CHN2: variants seen among roughly 807,000 people sequenced by gnomAD.
The protein encoded by CHN2 is chimerin 2, also known as beta-chimaerin.
A neutral mutation model predicts 56.3 loss-of-function variants in CHN2; 35 were observed. The ratio of observed to expected loss-of-function variants is 0.62; its 90% CI spans 0.47 to 0.82. CHN2 has a LOEUF of 0.82. Among genes scored for constraint, CHN2 ranks in the 40% least tolerant of loss-of-function variants. The pLI is 0.00. For synonymous variants in CHN2, 210 were observed against 212.8 expected (o/e 0.99, Z 0.12); for missense variants, 491 against 580.5 (o/e 0.85, Z 1.58).
chr7:29,419,537 GA>G (rs1274443360), intron 6 of CHN2, among the ~76,000 whole-genome samples: 1 of 152,066 alleles, frequency 6.6e-6, no homozygotes. Flanking sequence ...TCAACAAAGT[GA>G]AAAGGCAACT....
intron 1 of CHN2, among the ~76,000 whole-genome samples, chr7:29,224,673 G>T (rs1307946125): frequency 6.6e-6 from 1 of 152,146 alleles, no homozygotes; most frequent in African/African-American, 2.4e-5. Context: ...GCCTATAACA[G>T]CTAATCCATA....
At chr7:29,413,991 C>T (rs908991766) in intron 6 of CHN2, among the ~76,000 whole-genome samples, 6 of 152,186 alleles carry the variant, frequency 3.9e-5, no homozygotes, top group African/African-American at 1.4e-4. Flanking sequence ...ACATGCCTGC[C>T]TCTGTGATTT....
chr7:29,474,758 C>T (rs924342997), intron 6 of CHN2, among the ~76,000 whole-genome samples: 1 of 152,132 alleles, frequency 6.6e-6, no homozygotes, highest in African/African-American at 2.4e-5. Context: ...TTCAAAGAGC[C>T]CTCCTTAAAA....
At chr7:29,343,510 C>T (rs1288111433) in intron 1 of CHN2, among the ~76,000 whole-genome samples, 2 of 152,160 alleles carry the variant, frequency 1.3e-5, no homozygotes, top group Non-Finnish European at 2.9e-5. Context: ...GTGGCTTCCA[C>T]CCATACCCCA....
intron 1 of CHN2, among the ~76,000 whole-genome samples, chr7:29,242,812 G>C (rs544863216): frequency 1.5e-5 from 2 of 136,384 alleles, no homozygotes; most frequent in South Asian, 4.7e-4. Context: ...GAAAGATTCA[G>C]ATGACATTTC....
At chr7:29,273,326 CAT>C (rs139183819) in intron 1 of CHN2, among the ~76,000 whole-genome samples, 9 of 79,778 alleles carry the variant, frequency 1.1e-4, no homozygotes, top group Admixed American at 2.4e-4. Flanking sequence ...TTCCATCATG[CAT>C]ATATATATAT....
intron 1 of CHN2, among the ~76,000 whole-genome samples, chr7:29,257,077 C>T (rs1206257194): frequency 6.6e-6 from 1 of 152,158 alleles, no homozygotes; most frequent in African/African-American, 2.4e-5. Flanking sequence ...TAAAAACCTG[C>T]CCTGCTTTCC....
intron 1 of CHN2, among the ~76,000 whole-genome samples, chr7:29,337,625 G>C (rs1796724506): frequency 6.6e-6 from 1 of 152,214 alleles, no homozygotes; most frequent in South Asian, 2.1e-4. Context: ...GCCACGGGGT[G>C]ACAGGAAAGC....
chr7:29,343,211 T>TA (rs1210958133), intron 1 of CHN2, among the ~76,000 whole-genome samples: 2 of 152,064 alleles, frequency 1.3e-5, no homozygotes, highest in Non-Finnish European at 2.9e-5. Flanking sequence ...GTGTGAATAA[T>TA]AAAAGAGGAA....
chr7:29,366,957 C>T (rs1799212543), intron 2 of CHN2, among the ~76,000 whole-genome samples: 1 of 152,092 alleles, frequency 6.6e-6, no homozygotes, highest in Admixed American at 6.5e-5. Context: ...GAAAGTTTTG[C>T]TTATCTTATT....
intron 2 of CHN2, among the ~76,000 whole-genome samples, chr7:29,151,921 G>C (rs998865159): frequency 5.3e-5 from 8 of 152,212 alleles, no homozygotes; most frequent in African/African-American, 1.9e-4. Context: ...AAAGACATTT[G>C]CAAAGGACAA....
At chr7:29,225,175 A>AT (rs901814972) in intron 1 of CHN2, among the ~76,000 whole-genome samples, 1 of 152,168 alleles carries the variant, frequency 6.6e-6, no homozygotes, top group Non-Finnish European at 1.5e-5. Flanking sequence ...TATGAATGTA[A>AT]TTTTTTCTCC....
At chr7:29,421,626 T>A (rs935648128) in intron 6 of CHN2, among the ~76,000 whole-genome samples, 5 of 152,232 alleles carry the variant, frequency 3.3e-5, no homozygotes, top group Non-Finnish European at 5.9e-5. Context: ...GCAGGAACAT[T>A]CTAGCTCAGA....
chr7:29,256,821 C>CA (rs1218196655), intron 1 of CHN2, among the ~76,000 whole-genome samples: 3 of 151,894 alleles, frequency 2.0e-5, no homozygotes, highest in African/African-American at 7.3e-5. Flanking sequence ...ATCGCCCCCC[C>CA]ACCACGATCC....
intron 1 of CHN2, among the ~76,000 whole-genome samples, chr7:29,321,662 C>G (rs1795371107): frequency 6.6e-6 from 1 of 151,766 alleles, no homozygotes; most frequent in Non-Finnish European, 1.5e-5. Flanking sequence ...CCTCCACCTC[C>G]CGCGTTCAAG....
intron 1 of CHN2, among the ~76,000 whole-genome samples, chr7:29,292,426 C>A (rs1397670475): frequency 6.6e-6 from 1 of 152,230 alleles, no homozygotes; most frequent in East Asian, 1.9e-4. Context: ...TAATATTTTA[C>A]AATCTATTCT....
intron 1 of CHN2, among the ~76,000 whole-genome samples, chr7:29,225,628 C>T (rs1786131225): frequency 6.6e-6 from 1 of 152,164 alleles, no homozygotes; most frequent in Non-Finnish European, 1.5e-5. Flanking sequence ...GTTTCCTATC[C>T]TGGTTTTACA....
chr7:29,311,411 C>G (rs936382404), intron 1 of CHN2, among the ~76,000 whole-genome samples: 1 of 152,250 alleles, frequency 6.6e-6, no homozygotes, highest in African/African-American at 2.4e-5. Flanking sequence ...TTAATCTCTA[C>G]TGCGCTTCCT....
At chr7:29,409,705 G>T (rs1332952952) in intron 6 of CHN2, among the ~76,000 whole-genome samples, 1 of 152,216 alleles carries the variant, frequency 6.6e-6, no homozygotes, top group Non-Finnish European at 1.5e-5. Context: ...TTAAAGGTTA[G>T]TTGCAATGTC....
Sources: allele counts gnomAD v4.1 joint callset (sites outside exome capture counted in the v4.1 genomes callset), GRCh38; gene constraint gnomAD v4.1.1; transcripts MANE v1.5; gene names NCBI Gene and HGNC (gene_info 2026-07-23, HGNC 2026-07-21).